GAS2L3: variants seen among roughly 807,000 people sequenced by gnomAD.
GAS2L3 encodes GAS2-like protein 3.
Under a neutral mutation model 37.0 loss-of-function variants are expected in GAS2L3, and 28 were observed. The ratio of observed to expected loss-of-function variants is 0.76; its 90% CI spans 0.56 to 1.04. GAS2L3 has a LOEUF of 1.04. GAS2L3 is among the 50% of genes least tolerant of loss of function. The pLI, the probability that GAS2L3 is intolerant of heterozygous loss-of-function variation, is 0.00. For missense variants in GAS2L3, 793 were observed against 817.6 expected, an observed-to-expected ratio of 0.97 and a Z score of 0.37; for synonymous variants, 290 against 296.6, an observed-to-expected ratio of 0.98 and a Z score of 0.23.
intron 5 of GAS2L3, among the ~76,000 whole-genome samples, chr12:100,604,804 A>G (rs1471020909): frequency 6.6e-6 from 1 of 151,994 alleles, no homozygotes; most frequent in Non-Finnish European, 1.5e-5. Flanking sequence ...TTTTATCACA[A>G]AGGGATTTAA....
At chr12:100,594,576 G>A (rs1350058918) in intron 2 of GAS2L3, among the ~76,000 whole-genome samples, 2 of 151,882 alleles carry the variant, frequency 1.3e-5, no homozygotes, top group Non-Finnish European at 2.9e-5. Context: ...TATGAGCTAA[G>A]TTTTGTTGAT....
At chr12:100,579,568 A>G in intron 1 of GAS2L3, 1 of 773,670 alleles carries the variant, frequency 1.3e-6, no homozygotes, top group South Asian at 1.4e-5. Context: ...GAAGTTCCGG[A>G]AAGATACCAG....
At chr12:100,618,108 T>C (rs1031561605) in intron 7 of GAS2L3, among the ~76,000 whole-genome samples, 2 of 152,128 alleles carry the variant, frequency 1.3e-5, no homozygotes, top group Non-Finnish European at 2.9e-5. Flanking sequence ...AAGCAAGTCC[T>C]CTGAACACAG....
intron 2 of GAS2L3, chr12:100,594,052 A>G (rs1955880168): frequency 1.3e-5 from 2 of 152,170 alleles, no homozygotes; most frequent in Admixed American, 6.6e-5. Context: ...GGAAAGTAAT[A>G]GCATTATAGC....
intron 1 of GAS2L3, among the ~76,000 whole-genome samples, chr12:100,587,563 C>T (rs538919881): frequency 3.3e-5 from 5 of 152,264 alleles, no homozygotes; most frequent in East Asian, 1.9e-4. Flanking sequence ...TCAGCAAAAT[C>T]GGCATACAAG....
intron 4 of GAS2L3, among the ~76,000 whole-genome samples, chr12:100,601,360 G>C (rs895579590): frequency 6.6e-6 from 1 of 151,900 alleles, no homozygotes; most frequent in African/African-American, 2.4e-5. Flanking sequence ...TTTTTCTTGT[G>C]CAAGGAATAT....
At position 100,603,691 on chromosome 12, in the gene GAS2L3, C is replaced by T. The variant is rs778083781; in HGVS notation, c.303+1938C>T. On this transcript the variant is annotated intron_variant, in intron 5 of 9. Coordinates refer to ENST00000547754, the MANE Select transcript of GAS2L3 (RefSeq NM_174942.3). ...GCTTCTGCTTATGGGGTATTACTCA[C>T]GAAGCTTTTGCCCAGACCAATATCC... Among the ~76,000 whole-genome samples the T allele has an allele frequency of 2.6e-4, 40 of 152,086 alleles. No individual in the cohort carries two copies. In the East Asian group the frequency reaches 2.9e-3, roughly 11 times the overall value.
At chr12:100,622,489 A>G in intron 9 of GAS2L3, 107 bp downstream of exon 9, 1 of 577,052 alleles carries the variant, frequency 1.7e-6, no homozygotes, top group South Asian at 2.3e-5. Context: ...ACATTGGAAA[A>G]GATGCTATTA....
At position 100,579,641 on chromosome 12, in the gene GAS2L3, T is replaced by A. The variant is rs1955684497; in HGVS notation, c.-152+5856T>A. ...ACAAGAATGTTAGAAATGTCTTAGT[T>A]CAAGGACATATTTTTCTTAATACCT... On this transcript the variant is annotated intron_variant, in intron 1 of 9. Transcript: ENST00000547754. 4 of 777,202 alleles carry A rather than the reference T, an allele frequency of 5.1e-6. No individual in the cohort carries two copies. In the South Asian group the frequency reaches 5.4e-5, roughly 10 times the overall value. The allele number at this position is 777,202 out of a possible 1,614,324, so 48.1% of individuals were successfully genotyped here. A position where few individuals can be genotyped will look rare whatever the true frequency, so the allele number is the denominator to read the frequency against.
chr12:100,601,034 A>G (rs1310592796), intron 4 of GAS2L3, among the ~76,000 whole-genome samples: 2 of 152,124 alleles, frequency 1.3e-5, no homozygotes, highest in Non-Finnish European at 2.9e-5. Context: ...TTTTTACTCT[A>G]TTAGAGAATA....
chr12:100,623,693 A>G lies in GAS2L3; in HGVS notation c.888A>G (p.Gln296=), dbSNP rs766524774. ...TAGAACAAAAAATTTTAGCATTTCAAAAAGGAGTTTCTAATGAAAGTGTAC... is the reference window on the plus strand; with the variant it reads ...TAGAACAAAAAATTTTAGCATTTCAGAAAGGAGTTTCTAATGAAAGTGTAC... ...ATLEQKILAF[Q]KGVSNESVPD... is the part of the protein sequence containing the mutation. Residue 296 remains glutamine (Q), a synonymous_variant, in exon 10 of 10, where the codon CAA becomes CAG. Coordinates refer to ENST00000547754, the MANE Select transcript of GAS2L3 (RefSeq NM_174942.3). The G allele has an allele frequency of 5.0e-6, 8 of 1,614,116 alleles. No homozygotes were observed. Among genetic ancestry groups the G allele is most frequent in the Middle Eastern group, 1.6e-4 (1 of 6,062 alleles).
chr12:100,600,467 A>G lies in GAS2L3; in HGVS notation c.104A>G (p.Tyr35Cys), dbSNP rs1186637689. The G allele has an allele frequency of 1.2e-6, 2 of 1,613,438 alleles. No homozygotes were observed. Among genetic ancestry groups the G allele is most frequent in the Non-Finnish European group, 1.7e-6 (2 of 1,179,448 alleles). ...HGPGLANVCQ[Y>C]DEWIAVRHEA... Reference sequence around the variant, plus strand: ...CCAGGATTGGCTAATGTTTGTCAGTACGATGAGTGGATAGCTGTGAGGCAT... The same window carrying G: ...CCAGGATTGGCTAATGTTTGTCAGTGCGATGAGTGGATAGCTGTGAGGCAT... The change falls in exon 4 of 10, where the codon TAC (tyrosine) becomes TGC (cysteine). Residue 35 changes from tyrosine to cysteine, a missense_variant. Physicochemically the swap from Tyr to Cys is radical, Grantham distance 194 (BLOSUM62 -2). Coordinates refer to ENST00000547754, the MANE Select transcript of GAS2L3 (RefSeq NM_174942.3).
chr12:100,598,007 G>C (rs1208301299), intron 3 of GAS2L3, among the ~76,000 whole-genome samples: 2 of 152,098 alleles, frequency 1.3e-5, no homozygotes, highest in Non-Finnish European at 2.9e-5. Flanking sequence ...CTACAGAGTA[G>C]TTAAGTGTAG....
At chr12:100,597,807 G>GCTAT (rs1225848343) in intron 3 of GAS2L3, among the ~76,000 whole-genome samples, 2 of 151,900 alleles carry the variant, frequency 1.3e-5, no homozygotes, top group African/African-American at 4.8e-5. Flanking sequence ...CTATGGCATT[G>GCTAT]CTATAGCTTT....
intron 1 of GAS2L3, among the ~76,000 whole-genome samples, chr12:100,581,137 C>T (rs1426050026): frequency 2.6e-5 from 4 of 152,184 alleles, no homozygotes; most frequent in Admixed American, 6.5e-5. Flanking sequence ...GCAGAATGTA[C>T]GAGGTGTGCC....
Position 100,624,179 on chromosome 12 carries a change from C to T in GAS2L3, c.1374C>T (p.Ser458=). 3 of 1,612,908 alleles carry T rather than the reference C, an allele frequency of 1.9e-6. No individual in the cohort carries two copies. Among genetic ancestry groups the T allele is most frequent in the Non-Finnish European group, 2.5e-6 (3 of 1,179,746 alleles). Reference sequence around the variant, plus strand: ...AGAATTCAGCAGATCTGCCCGAGTCCACACTTTTGCCAAATAAGTGTTCAG... The same window carrying T: ...AGAATTCAGCAGATCTGCCCGAGTCTACACTTTTGCCAAATAAGTGTTCAG... The part of the protein sequence containing the change: ...PAQNSADLPE[S]TLLPNKCSGK... Residue 458 remains serine (S), a synonymous_variant, in exon 10 of 10, where the codon TCC becomes TCT. Transcript: ENST00000547754.
chr12:100,614,735 T>A (rs1389430454), intron 6 of GAS2L3, among the ~76,000 whole-genome samples: 1 of 152,226 alleles, frequency 6.6e-6, no homozygotes, highest in African/African-American at 2.4e-5. Context: ...TCTCTATGGA[T>A]TTGCATATTC....
chr12:100,617,521 G>T (rs1187230252), intron 6 of GAS2L3, among the ~76,000 whole-genome samples: 1 of 151,968 alleles, frequency 6.6e-6, no homozygotes, highest in Non-Finnish European at 1.5e-5. Flanking sequence ...GCAAATAAAG[G>T]TCCATGGTAA....
At chr12:100,602,563 C>A (rs1367628538) in intron 5 of GAS2L3, among the ~76,000 whole-genome samples, 2 of 151,894 alleles carry the variant, frequency 1.3e-5, no homozygotes, top group African/African-American at 4.8e-5. Context: ...TACTTTGATA[C>A]AGGCATGCAA....
Sources: gnomAD v4.1 joint callset for allele counts (sites outside exome capture counted in the v4.1 genomes callset) on GRCh38, gnomAD v4.1.1 for gene constraint, MANE v1.5 for transcripts, NCBI Gene and HGNC (gene_info 2026-07-23, HGNC 2026-07-21) for gene names.